The following PCDHGA6 variants were observed in gnomAD, a reference collection of about 807,000 sequenced individuals.
PCDHGA6 encodes the protein protocadherin gamma subfamily A, 6, also known as protocadherin gamma-A6.
A neutral mutation model predicts 60.6 loss-of-function variants in PCDHGA6; 41 were observed. The ratio of observed to expected loss-of-function variants is 0.68; its 90% CI spans 0.53 to 0.88. PCDHGA6 has a LOEUF of 0.88. PCDHGA6 is among the 40% of genes least tolerant of loss of function. PCDHGA6 has a pLI of 0.00. For synonymous variants in PCDHGA6, 594 were observed against 524.4 expected (o/e 1.13, Z -1.81); for missense variants, 1,312 against 1,203.0 (o/e 1.09, Z -1.34).
At chr5:141,409,435 C>T in intron 1 of PCDHGA6, 2 of 1,613,994 alleles carry the variant, frequency 1.2e-6, no homozygotes, top group Non-Finnish European at 1.7e-6. Context: ...GAGCCCTGGA[C>T]CGAGAGCAGA....
chr5:141,426,719 A>G (rs776136674), intron 1 of PCDHGA6: 2 of 446,424 alleles, frequency 4.5e-6, no homozygotes, highest in Non-Finnish European at 9.1e-6. Context: ...ATGAACTAGC[A>G]ATTCCAGGCA....
At chr5:141,419,849 T>C in intron 1 of PCDHGA6, 1 of 1,614,040 alleles carries the variant, frequency 6.2e-7, no homozygotes, top group East Asian at 2.2e-5. Context: ...GCACCTGGTG[T>C]TCGCAGATAG....
Position 141,427,844 on chromosome 5 carries a change from C to A in PCDHGA6, c.2424+51337C>A, listed in dbSNP as rs997069058. 6.5e-6 allele frequency: 10 copies of A among 1,550,194 alleles called. No homozygotes were observed. In the East Asian group the frequency reaches 2.2e-4, roughly 35 times the overall value. On this transcript the variant is annotated intron_variant, in intron 1 of 3. Transcript: ENST00000517434. ...TGGTCGCGCAGCGTGCCTTCGACCA[C>A]GAGCAGCTGTGCGCCTTCGAGCTCA...
At chr5:141,461,614 T>G (rs954890718) in intron 1 of PCDHGA6, among the ~76,000 whole-genome samples, 11 of 152,208 alleles carry the variant, frequency 7.2e-5, no homozygotes, top group Non-Finnish European at 1.2e-4. Flanking sequence ...TTCAAAGTAT[T>G]TTCTAATACA....
intron 1 of PCDHGA6, chr5:141,409,185 C>G (rs765063807): frequency 6.2e-7 from 1 of 1,614,024 alleles, no homozygotes; most frequent in South Asian, 1.1e-5. Flanking sequence ...GGTGGTCTCT[C>G]TACCCAGTGT....
chr5:141,397,273 T>C (rs1324330524), intron 1 of PCDHGA6, among the ~76,000 whole-genome samples: 5 of 152,184 alleles, frequency 3.3e-5, no homozygotes, highest in Non-Finnish European at 1.5e-5. Flanking sequence ...CTACATCATA[T>C]GGGCAGTATA....
intron 1 of PCDHGA6, among the ~76,000 whole-genome samples, chr5:141,464,094 G>A (rs540562188): frequency 7.4e-4 from 112 of 151,988 alleles, no homozygotes; most frequent in Non-Finnish European, 1.1e-3. Context: ...GTGAAACTCC[G>A]TCTCTACTAA....
rs1424221139 is a variant in PCDHGA6, at chr5:141,491,867, T to G, written c.2425-2940T>G. On this transcript the variant is annotated intron_variant, in intron 1 of 3. Coordinates refer to ENST00000517434, the MANE Select transcript of PCDHGA6 (RefSeq NM_018919.3). The surrounding 1 kb of genome is among the most constrained non-coding windows in gnomAD (Gnocchi z 6.9). ...TTGGACCGTTTGCGCGAAACCAGAG[T>G]GGCCGATTAAGGGATGGGGCTCCGA... 2 of 1,452,218 alleles carry G rather than the reference T, an allele frequency of 1.4e-6. No homozygotes were observed. The highest frequency in any genetic ancestry group is 1.8e-6 in the Non-Finnish European group (2 of 1,099,056). 90.0% of individuals were successfully genotyped at this position (1,452,218 alleles called of 1,614,324 possible).
rs572282329 is a variant in PCDHGA6 at position 141,388,648 on chromosome 5, T to A, written c.2424+12141T>A. On this transcript the variant is annotated intron_variant, in intron 1 of 3. Coordinates refer to ENST00000517434, the MANE Select transcript of PCDHGA6 (RefSeq NM_018919.3). ...TACAGGGTGAGCCTTTCAGAAAACG[T>A]GTACCCGGGGACCACGGTGCTACAG... is the stretch of plus-strand genomic sequence containing the variant. 5 of 1,613,938 alleles carry A rather than the reference T, an allele frequency of 3.1e-6. No homozygotes were observed. The East Asian group carries it at 8.9e-5, about 29-fold the overall frequency.
intron 1 of PCDHGA6, chr5:141,408,732 A>AT: frequency 2.5e-6 from 4 of 1,610,016 alleles, no homozygotes; most frequent in Non-Finnish European, 3.4e-6. Context: ...TCTAATCCTT[A>AT]TTTTTCATTA....
At chr5:141,409,590 A>G (rs755702950) in intron 1 of PCDHGA6, 1 of 1,613,898 alleles carries the variant, frequency 6.2e-7, no homozygotes, top group Non-Finnish European at 8.5e-7. Context: ...CACGTGGCCG[A>G]GAACAACCCG....
Position 141,489,427 on chromosome 5 carries a change from C to A in PCDHGA6, c.2425-5380C>A. ...AAAGATGACAGATCTGTTGAGCCGG[C>A]GGCTGCAATTGGGCTCTGAGGAGAA... On this transcript the variant is annotated intron_variant, in intron 1 of 3. Coordinates refer to ENST00000517434, the MANE Select transcript of PCDHGA6 (RefSeq NM_018919.3). This position sits in a 1 kb window ranked among gnomAD's most constrained non-coding sequence, Gnocchi z 4.5. The A allele has an allele frequency of 6.2e-7, 1 of 1,614,108 alleles. No individual in the cohort carries two copies. The highest frequency in any genetic ancestry group is 1.1e-5 in the South Asian group (1 of 91,086).
chr5:141,479,574 T>A (rs1291334449), intron 1 of PCDHGA6: 1 of 152,228 alleles, frequency 6.6e-6, no homozygotes, highest in South Asian at 2.1e-4. Context: ...GGATGACATC[T>A]GTGAATAGCC....
Position 141,490,920 on chromosome 5 carries a change from T to A in PCDHGA6, c.2425-3887T>A. 1.2e-6 allele frequency: 2 copies of A among 1,613,638 alleles called. No homozygotes were observed. The highest frequency in any genetic ancestry group is 1.7e-6 in the Non-Finnish European group (2 of 1,179,684). The stretch of plus-strand genomic sequence containing the variant: ...TGTTTGTCCTAGACGAGAATGATAA[T>A]GCCCCAGCTGTGCTGCACCCACGGC... On this transcript the variant is annotated intron_variant, in intron 1 of 3. Coordinates refer to ENST00000517434, the MANE Select transcript of PCDHGA6 (RefSeq NM_018919.3). This position sits in a 1 kb window ranked among gnomAD's most constrained non-coding sequence, Gnocchi z 5.4.
Position 141,432,026 on chromosome 5 carries a change from A to G in PCDHGA6, c.2424+55519A>G, listed in dbSNP as rs1591124077. On this transcript the variant is annotated intron_variant, in intron 1 of 3. Coordinates refer to ENST00000517434, the MANE Select transcript of PCDHGA6 (RefSeq NM_018919.3). The surrounding 1 kb of genome is among the most constrained non-coding windows in gnomAD (Gnocchi z 6.0). ...GGTTCCTAGCTACAACATCACAGTG[A>G]CCGCCACTGACCGGGGAACCCCGCC... The G allele has an allele frequency of 1.9e-6, 3 of 1,614,152 alleles. 1 individual carries two copies. Among genetic ancestry groups the G allele is most frequent in the Middle Eastern group, 3.3e-4 (2 of 6,062 alleles).
chr5:141,449,263 AC>A (rs1308401244), intron 1 of PCDHGA6, among the ~76,000 whole-genome samples: 3 of 152,152 alleles, frequency 2.0e-5, no homozygotes, highest in African/African-American at 7.2e-5. Flanking sequence ...TGTACAAAGA[AC>A]TGTATCTCCT....
chr5:141,398,325 G>A, intron 1 of PCDHGA6: 9 of 1,355,732 alleles, frequency 6.6e-6, no homozygotes, highest in Non-Finnish European at 8.2e-6. Flanking sequence ...CTCGAAAACT[G>A]CGCGTCAGTT....
chr5:141,421,384 C>T (rs960627405), intron 1 of PCDHGA6: 5 of 1,613,928 alleles, frequency 3.1e-6, no homozygotes, highest in Non-Finnish European at 4.2e-6. Context: ...CTCCAAGGAC[C>T]TGGGGCTGGA....
Position 141,490,732 on chromosome 5 carries a change from G to T in PCDHGA6, c.2425-4075G>T, listed in dbSNP as rs775388969. 4 of 1,614,188 alleles carry T rather than the reference G, an allele frequency of 2.5e-6. No individual in the cohort carries two copies. Among genetic ancestry groups the T allele is most frequent in the Non-Finnish European group, 3.4e-6 (4 of 1,180,042 alleles). ...CACCTACTCCATTGTAGGAAATCAGGTTCAGGGAGCCCCAGCCTCCTCCTT... is the reference window on the plus strand; with the variant it reads ...CACCTACTCCATTGTAGGAAATCAGTTTCAGGGAGCCCCAGCCTCCTCCTT... On this transcript the variant is annotated intron_variant, in intron 1 of 3. Transcript: ENST00000517434. The surrounding 1 kb of genome is among the most constrained non-coding windows in gnomAD (Gnocchi z 5.4).
Sources: gnomAD v4.1 joint callset for allele counts (sites outside exome capture counted in the v4.1 genomes callset) on GRCh38, gnomAD v4.1.1 for gene constraint, Gnocchi (gnomAD v3.1) non-coding constraint, MANE v1.5 for transcripts, NCBI Gene and HGNC (gene_info 2026-07-23, HGNC 2026-07-21) for gene names.